The following CDKAL1 variants were observed in gnomAD, a reference collection of about 807,000 sequenced individuals.
CDKAL1 encodes CDKAL1 threonylcarbamoyladenosine tRNA methylthiotransferase, also known as threonylcarbamoyladenosine tRNA methylthiotransferase.
Under a neutral mutation model 68.2 loss-of-function variants are expected in CDKAL1, and 32 were observed. The observed-to-expected ratio is 0.47, with a 90% confidence interval of 0.35 to 0.63. CDKAL1 has a LOEUF of 0.63. CDKAL1 is among the 30% of genes least tolerant of loss of function. The probability of loss-of-function intolerance (pLI) is 0.00; values close to 1 mark genes in which losing one functional copy is unlikely to be tolerated. For synonymous variants in CDKAL1, 234 were observed against 244.3 expected, an observed-to-expected ratio of 0.96 and a Z score of 0.39; for missense variants, 606 against 696.7, an observed-to-expected ratio of 0.87 and a Z score of 1.47.
chr6:21,030,641 C>T (rs1027314542), intron 11 of CDKAL1, among the ~76,000 whole-genome samples: 3 of 152,066 alleles, frequency 2.0e-5, no homozygotes, highest in African/African-American at 4.8e-5. Context: ...GTGATGGTAT[C>T]GTCATCAATT....
intron 6 of CDKAL1, among the ~76,000 whole-genome samples, chr6:20,743,518 CA>C (rs1314301586): frequency 3.3e-5 from 5 of 152,286 alleles, no homozygotes; most frequent in Admixed American, 2.6e-4. Context: ...ACCATCATAA[CA>C]TGCTGGTTTC....
chr6:20,639,810 A>G (rs980873589), intron 4 of CDKAL1, among the ~76,000 whole-genome samples: 3 of 152,194 alleles, frequency 2.0e-5, no homozygotes, highest in Admixed American at 1.3e-4. Context: ...AGCTGGGATT[A>G]CAGGCATGTG....
At chr6:20,782,445 C>T (rs1245080036) in intron 8 of CDKAL1, among the ~76,000 whole-genome samples, 1 of 152,148 alleles carries the variant, frequency 6.6e-6, no homozygotes, top group Non-Finnish European at 1.5e-5. Flanking sequence ...TCTGTCTAGC[C>T]TGAGCCGAAT....
At chr6:20,856,357 A>T (rs1408806853) in intron 9 of CDKAL1, among the ~76,000 whole-genome samples, 1 of 152,234 alleles carries the variant, frequency 6.6e-6, no homozygotes, top group African/African-American at 2.4e-5. Context: ...ATGAAAAAGT[A>T]GTATGGAAAA....
chr6:20,943,635 C>T (rs749164670), intron 9 of CDKAL1, among the ~76,000 whole-genome samples: 24 of 150,430 alleles, frequency 1.6e-4, no homozygotes, highest in Admixed American at 4.6e-4. Flanking sequence ...CCACTAGGTT[C>T]TTTTCAAATA....
intron 9 of CDKAL1, among the ~76,000 whole-genome samples, chr6:20,852,881 G>T (rs941786613): frequency 2.8e-4 from 42 of 152,182 alleles, no homozygotes; most frequent in African/African-American, 9.9e-4. Context: ...AGAATCTGCT[G>T]GTTTAGATGA....
intron 6 of CDKAL1, among the ~76,000 whole-genome samples, chr6:20,745,116 A>G (rs1773608915): frequency 6.6e-6 from 1 of 152,246 alleles, no homozygotes; most frequent in African/African-American, 2.4e-5. Context: ...ACAGGTGTCC[A>G]CTTATCTCAG....
At chr6:20,725,560 G>A (rs377420669) in intron 5 of CDKAL1, among the ~76,000 whole-genome samples, 3 of 152,114 alleles carry the variant, frequency 2.0e-5, no homozygotes, top group South Asian at 2.1e-4. Context: ...TGAGGCAGGC[G>A]GATCACCTGA....
intron 13 of CDKAL1, among the ~76,000 whole-genome samples, chr6:21,118,160 T>TATA (rs947650750): frequency 6.6e-6 from 1 of 152,252 alleles, no homozygotes; most frequent in Non-Finnish European, 1.5e-5. Flanking sequence ...TATCATAAAA[T>TATA]ATAATTAATG....
chr6:21,176,697 T>C (rs1386065480), intron 13 of CDKAL1, among the ~76,000 whole-genome samples: 1 of 85,440 alleles, frequency 1.2e-5, no homozygotes, highest in African/African-American at 4.7e-5. Context: ...TTTTTTTTTG[T>C]TTTTTTTTTT....
chr6:20,568,586 T>G (rs1764559280), intron 4 of CDKAL1, among the ~76,000 whole-genome samples: 1 of 151,562 alleles, frequency 6.6e-6, no homozygotes, highest in African/African-American at 2.4e-5. Flanking sequence ...ACAAAAAAAA[T>G]TAGCCGGGCG....
At position 21,093,889 on chromosome 6, in the gene CDKAL1, C is replaced by T. The variant is rs1192240887; in HGVS notation, c.1237-14512C>T. Among the ~76,000 whole-genome samples, 3 of 130,816 alleles carry T rather than the reference C, an allele frequency of 2.3e-5. No homozygotes were observed. The East Asian group carries it at 8.6e-4, about 37-fold the overall frequency. 85.8% of individuals were successfully genotyped at this position (130,816 alleles called of 152,430 possible). ...GTGTGACGGTAGGTGCACCACCACACCTGGCTTTTTTTTTTTTTTTTTTGT... is the reference window on the plus strand; with the variant it reads ...GTGTGACGGTAGGTGCACCACCACATCTGGCTTTTTTTTTTTTTTTTTTGT... On this transcript the variant is annotated intron_variant, in intron 12 of 15. Coordinates refer to ENST00000274695, the MANE Select transcript of CDKAL1 (RefSeq NM_017774.3).
chr6:20,831,736 G>A (rs924647034), intron 8 of CDKAL1, among the ~76,000 whole-genome samples: 1 of 152,146 alleles, frequency 6.6e-6, no homozygotes, highest in Non-Finnish European at 1.5e-5. Flanking sequence ...GTTTGTTGTT[G>A]TTGCATAGAA....
intron 10 of CDKAL1, among the ~76,000 whole-genome samples, chr6:20,989,848 T>A (rs915167389): frequency 2.0e-5 from 3 of 152,126 alleles, no homozygotes; most frequent in East Asian, 1.9e-4. Context: ...CTATGAATTT[T>A]AAAATATATA....
chr6:21,030,910 G>C (rs138114962), intron 11 of CDKAL1, among the ~76,000 whole-genome samples: 18 of 152,210 alleles, frequency 1.2e-4, no homozygotes, highest in Non-Finnish European at 5.9e-5. Context: ...AGGGGTGCTG[G>C]TGCATGTCTC....
chr6:21,064,601 A>C (rs1191383840), intron 11 of CDKAL1, among the ~76,000 whole-genome samples: 2 of 152,206 alleles, frequency 1.3e-5, no homozygotes, highest in African/African-American at 4.8e-5. Flanking sequence ...ATAGTATATC[A>C]ATTGGCTCTA....
chr6:21,193,114 A>G (rs1159425718), intron 13 of CDKAL1, among the ~76,000 whole-genome samples: 1 of 152,070 alleles, frequency 6.6e-6, no homozygotes, highest in Non-Finnish European at 1.5e-5. Context: ...CCACCACCAC[A>G]CCCAGCCAAG....
At chr6:20,611,452 A>G (rs548476276) in intron 4 of CDKAL1, among the ~76,000 whole-genome samples, 53 of 152,230 alleles carry the variant, frequency 3.5e-4, no homozygotes, top group African/African-American at 1.2e-3. Flanking sequence ...GGCTAACTCT[A>G]TTATTGGTAT....
chr6:21,230,842 T>TTA lies in CDKAL1; in HGVS notation c.1549-3_1549-2dup, dbSNP rs544817697. The TTA allele has an allele frequency of 2.9e-4, 470 of 1,596,774 alleles. 4 individuals are homozygous for TTA. The South Asian group carries it at 3.9e-3, about 13-fold the overall frequency. ...ATAATTTTTTCCTCTGTTTCTCTCT[T>TTA]TATAGGACTTCAGAAATGGGCTTGG... is the stretch of plus-strand genomic sequence containing the variant. On this transcript the variant is annotated splice_region_variant and splice_polypyrimidine_tract_variant and intron_variant, in intron 15 of 15. Coordinates refer to ENST00000274695, the MANE Select transcript of CDKAL1 (RefSeq NM_017774.3).
Sources: allele counts gnomAD v4.1 joint callset (sites outside exome capture counted in the v4.1 genomes callset), GRCh38; gene constraint gnomAD v4.1.1; transcripts MANE v1.5; gene names NCBI Gene and HGNC (gene_info 2026-07-23, HGNC 2026-07-21).